The following ADD1 variants were observed in gnomAD, a reference collection of about 807,000 sequenced individuals.
ADD1 encodes alpha-adducin.
In ADD1, 24 loss-of-function variants were observed where a neutral mutation model predicts 80.5. The ratio of observed to expected loss-of-function variants is 0.30; its 90% confidence interval spans 0.22 to 0.42. The LOEUF (loss-of-function observed/expected upper bound fraction) is 0.42. ADD1 is among the 10% of genes least tolerant of loss of function. The probability of loss-of-function intolerance (pLI) is 1.00; values close to 1 mark genes in which losing one functional copy is unlikely to be tolerated. For missense variants in ADD1, 948 were observed against 1,019.0 expected, an observed-to-expected ratio of 0.93 and a Z score of 0.95; for synonymous variants, 373 against 393.8, an observed-to-expected ratio of 0.95 and a Z score of 0.63.
intron 3 of ADD1, 102 bp downstream of exon 3, chr4:2,882,162 A>G: frequency 9.2e-7 from 1 of 1,084,096 alleles, no homozygotes; most frequent in Non-Finnish European, 1.3e-6. Flanking sequence ...GTATAACATA[A>G]CAGAGTTGAG....
chr4:2,895,929 C>A (rs534195402), intron 6 of ADD1, among the ~76,000 whole-genome samples: 1 of 150,086 alleles, frequency 6.7e-6, no homozygotes, highest in Non-Finnish European at 1.5e-5. Flanking sequence ...GCTCTGTCAT[C>A]CAGGCTGGAG....
In ADD1 at chr4:2,928,627, A is replaced by C. The variant is rs1712396158; in HGVS notation, c.*104A>C. 1 of 1,313,266 alleles carries C rather than the reference A, an allele frequency of 7.6e-7. No homozygotes were observed. 81.4% of individuals were successfully genotyped at this position (1,313,266 alleles called of 1,614,324 possible). ...TGTGTAATGGAATGCAAAAAAGCCAAGCCCTCCGCCTAGAGGTCCCCTCAC... is the reference window on the plus strand; with the variant it reads ...TGTGTAATGGAATGCAAAAAAGCCACGCCCTCCGCCTAGAGGTCCCCTCAC... On this transcript the variant is annotated 3_prime_UTR_variant, in exon 16 of 16. Transcript: ENST00000683351.
At chr4:2,847,804 G>C (rs1726479975) in intron 1 of ADD1, among the ~76,000 whole-genome samples, 1 of 152,132 alleles carries the variant, frequency 6.6e-6, no homozygotes, top group Admixed American at 6.5e-5. Flanking sequence ...GGAGCTTCCA[G>C]GTCACAAGTA....
intron 2 of ADD1, among the ~76,000 whole-genome samples, chr4:2,881,081 T>TC (rs1732241072): frequency 1.4e-5 from 2 of 142,438 alleles, no homozygotes; most frequent in Non-Finnish European, 3.1e-5. Flanking sequence ...ACTTTTTTTT[T>TC]TTTTTTTTTT....
intron 5 of ADD1, among the ~76,000 whole-genome samples, chr4:2,894,334 G>A (rs1033009409): frequency 6.6e-6 from 1 of 151,790 alleles, no homozygotes; most frequent in African/African-American, 2.4e-5. Flanking sequence ...GCTCATGCCT[G>A]TAATTCCAGT....
intron 12 of ADD1, 89 bp from the exon 13 acceptor site, chr4:2,909,250 A>G: frequency 9.0e-7 from 1 of 1,116,832 alleles, no homozygotes; most frequent in Non-Finnish European, 1.3e-6. Flanking sequence ...TCCCTGCTGC[A>G]TGCTCTTAGC....
At chr4:2,898,770 C>T in intron 8 of ADD1, 1 of 513,210 alleles carries the variant, frequency 1.9e-6, no homozygotes, top group South Asian at 2.1e-5. Flanking sequence ...TCAGTCACTA[C>T]CATTTATGGA....
chr4:2,914,863 A>G, intron 13 of ADD1, 21 bp from the exon 14 acceptor site: 3 of 1,597,178 alleles, frequency 1.9e-6, no homozygotes, highest in Non-Finnish European at 1.7e-6. Context: ...CCTGCAGACC[A>G]GATGTGCCTT....
intron 14 of ADD1, among the ~76,000 whole-genome samples, chr4:2,916,520 GTCTC>G (rs1015652917): frequency 5.3e-5 from 8 of 151,850 alleles, no homozygotes; most frequent in African/African-American, 9.7e-5. Context: ...AGAGACTTTT[GTCTC>G]TCTCTCTCTT....
At chr4:2,869,859 G>A (rs1030597552) in intron 1 of ADD1, among the ~76,000 whole-genome samples, 1 of 152,112 alleles carries the variant, frequency 6.6e-6, no homozygotes, top group African/African-American at 2.4e-5. Flanking sequence ...CTCTGGAGTC[G>A]GGTGCCAGGT....
chr4:2,916,807 T>TA, intron 14 of ADD1, among the ~76,000 whole-genome samples: 3 of 152,334 alleles, frequency 2.0e-5, no homozygotes, highest in Admixed American at 2.0e-4. Context: ...GTTCCTGTGT[T>TA]AGTTTGCTGA....
Position 2,918,339 on chromosome 4 carries a change from G to A in ADD1, c.1948+3299G>A, listed in dbSNP as rs143017528. On this transcript the variant is annotated intron_variant, in intron 14 of 15. Transcript: ENST00000683351. ...TTGTCAATTATTGGTGTGTAGGAAT[G>A]CTTGTGATTTTTGCAGTTGATTTTG... Among the ~76,000 whole-genome samples, 167 of 152,324 alleles carry A rather than the reference G, an allele frequency of 1.1e-3. 1 individual carries two copies. The highest frequency in any genetic ancestry group is 3.6e-3 in the Admixed American group (55 of 15,300).
At chr4:2,892,236 A>G (rs1734408863) in intron 4 of ADD1, among the ~76,000 whole-genome samples, 1 of 152,132 alleles carries the variant, frequency 6.6e-6, no homozygotes, top group South Asian at 2.1e-4. Flanking sequence ...TTCAACAAAC[A>G]CTCAGCTCCA....
chr4:2,899,774 A>G, intron 9 of ADD1: 3 of 373,282 alleles, frequency 8.0e-6, no homozygotes, highest in Middle Eastern at 9.2e-4. Context: ...CACTTTTGAA[A>G]TCGGTCAGTC....
At chr4:2,921,216 C>T (rs1188839096) in intron 14 of ADD1, among the ~76,000 whole-genome samples, 1 of 152,162 alleles carries the variant, frequency 6.6e-6, no homozygotes, top group East Asian at 1.9e-4. Flanking sequence ...CAAGCTCCGC[C>T]TCCAGGGTTC....
At chr4:2,910,550 T>C (rs1424640670) in intron 13 of ADD1, among the ~76,000 whole-genome samples, 9 of 152,158 alleles carry the variant, frequency 5.9e-5, no homozygotes. Context: ...TGTCAGTTAT[T>C]CTTTCTCTCA....
chr4:2,847,092 GGGC>G (rs1454543254), intron 1 of ADD1, among the ~76,000 whole-genome samples: 3 of 151,750 alleles, frequency 2.0e-5, no homozygotes, highest in Non-Finnish European at 4.4e-5. Context: ...ACTGTAGCCT[GGGC>G]GACACGGAGC....
Position 2,926,525 on chromosome 4 carries a change from C to A in ADD1, c.2047+413C>A. The A allele has an allele frequency of 9.1e-7, 1 of 1,094,068 alleles. No homozygotes were observed. The highest frequency in any genetic ancestry group is 1.4e-6 in the Non-Finnish European group (1 of 733,454). 67.8% of individuals were successfully genotyped at this position (1,094,068 alleles called of 1,614,324 possible). A position where few individuals can be genotyped will look rare whatever the true frequency, so the allele number is the denominator to read the frequency against. On this transcript the variant is annotated intron_variant, in intron 15 of 15. Coordinates refer to ENST00000683351, the MANE Select transcript of ADD1 (RefSeq NM_001354761.2). The surrounding 1 kb of genome is among the most constrained non-coding windows in gnomAD (Gnocchi z 5.0). The stretch of plus-strand genomic sequence containing the variant: ...TGTCTGTCCCTCGGTCTCGTACATC[C>A]ATGTCTCTCGTGAAGCCCGTGGCCC...
chr4:2,901,936 G>C (rs1307404333), intron 9 of ADD1: 1 of 96,356 alleles, frequency 1.0e-5, no homozygotes, highest in African/African-American at 4.1e-5. Flanking sequence ...TTTTTTTTTT[G>C]GAGAGACAGG....
Sources: gnomAD v4.1 joint callset for allele counts (sites outside exome capture counted in the v4.1 genomes callset) on GRCh38, gnomAD v4.1.1 for gene constraint, Gnocchi (gnomAD v3.1) non-coding constraint, MANE v1.5 for transcripts, NCBI Gene and HGNC (gene_info 2026-07-23, HGNC 2026-07-21) for gene names.